The following GRIN2A variants were observed in gnomAD, a reference collection of about 807,000 sequenced individuals.
GRIN2A encodes the protein glutamate receptor ionotropic, NMDA 2A.
Under a neutral mutation model 113.4 loss-of-function variants are expected in GRIN2A, and 22 were observed. That is an observed-to-expected ratio of 0.19 (90% confidence interval 0.14 to 0.28). The LOEUF (loss-of-function observed/expected upper bound fraction) is 0.28. GRIN2A is among the 10% of genes least tolerant of loss of function. The pLI is 1.00. For missense variants in GRIN2A, 1,502 were observed against 1,887.0 expected (o/e 0.80, Z 3.78); for synonymous variants, 827 against 738.4 (o/e 1.12, Z -1.94).
In GRIN2A at chr16:10,180,460, C is replaced by A; in HGVS notation, c.-18-31G>T. 1 of 1,581,696 alleles carries A rather than the reference C, an allele frequency of 6.3e-7. No individual in the cohort carries two copies. On this transcript the variant is annotated intron_variant, in intron 1 of 12. Transcript: ENST00000330684. This position sits in a 1 kb window ranked among gnomAD's most constrained non-coding sequence, Gnocchi z 7.0. ...AGGTGAAGAGTGAGAGGCAGGGCCGCGGTGAGCAAGGCGACCAGAAGAAAG... is the reference window on the plus strand; with the variant it reads ...AGGTGAAGAGTGAGAGGCAGGGCCGAGGTGAGCAAGGCGACCAGAAGAAAG...
At chr16:9,939,110 T>C (rs2044792053) in intron 2 of GRIN2A, among the ~76,000 whole-genome samples, 2 of 152,184 alleles carry the variant, frequency 1.3e-5, no homozygotes, top group Non-Finnish European at 1.5e-5. Flanking sequence ...GTATCATAAA[T>C]ACCATGTGGA....
At chr16:9,781,392 G>A (rs1202011883) in intron 11 of GRIN2A, among the ~76,000 whole-genome samples, 1 of 152,078 alleles carries the variant, frequency 6.6e-6, no homozygotes, top group Non-Finnish European at 1.5e-5. Context: ...ACAGGGTCTT[G>A]TTCTGTCACC....
At chr16:9,898,559 C>T (rs907261913) in intron 3 of GRIN2A, among the ~76,000 whole-genome samples, 2 of 152,154 alleles carry the variant, frequency 1.3e-5, no homozygotes, top group South Asian at 4.1e-4. Context: ...TTCACAAATG[C>T]CACCATAACC....
At chr16:10,112,448 T>C (rs2048636119) in intron 2 of GRIN2A, 5 of 777,002 alleles carry the variant, frequency 6.4e-6, no homozygotes, top group African/African-American at 1.7e-5. Flanking sequence ...CTCAGCACTT[T>C]GGTGTGTCCA....
At chr16:9,936,507 C>T (rs572824108) in intron 3 of GRIN2A, among the ~76,000 whole-genome samples, 19 of 152,198 alleles carry the variant, frequency 1.2e-4, no homozygotes, top group Admixed American at 7.8e-4. Context: ...AGGAATAAAG[C>T]GTGGATTAAA....
chr16:10,115,056 G>A (rs8055448), intron 2 of GRIN2A, among the ~76,000 whole-genome samples: 7,150 of 152,144 alleles, frequency 0.047, 335 homozygotes, highest in African/African-American at 0.12. Context: ...AATTTTTTGA[G>A]TTTGCAGCCC....
In GRIN2A at chr16:10,054,403, T is replaced by A. The variant is rs148672205; in HGVS notation, c.415-115852A>T. On this transcript the variant is annotated intron_variant, in intron 2 of 12. Transcript: ENST00000330684. ...AATGAACAGGACTAATACAAAGATT[T>A]AAAGAGATATAAGAAGGTTGCAACT... Among the ~76,000 whole-genome samples, 47 of 152,340 alleles carry A rather than the reference T, an allele frequency of 3.1e-4. No individual in the cohort carries two copies. In the East Asian group the frequency reaches 8.5e-3, roughly 27 times the overall value.
chr16:10,040,842 A>AG (rs1162206516), intron 2 of GRIN2A, among the ~76,000 whole-genome samples: 1 of 152,198 alleles, frequency 6.6e-6, no homozygotes, highest in African/African-American at 2.4e-5. Context: ...GCTGTGGGGG[A>AG]GGCTGGCAGG....
intron 2 of GRIN2A, among the ~76,000 whole-genome samples, chr16:10,035,382 T>C (rs1161618749): frequency 1.3e-5 from 2 of 152,074 alleles, no homozygotes; most frequent in Non-Finnish European, 2.9e-5. Context: ...CCTCTCCATA[T>C]ACCCTCCAAA....
At position 9,841,092 on chromosome 16, in the gene GRIN2A, A is replaced by T. The variant is rs779989663; in HGVS notation, c.1341T>A (p.Asn447Lys). Residue 447 changes from asparagine to lysine, a missense_variant, in exon 6 of 13, where the codon AAT (asparagine) becomes AAA (lysine). Asn to Lys is a moderately conservative substitution (Grantham distance 94). Around this residue, in one of 7 missense-constraint regions of GRIN2A, gnomAD observed 334 missense variants for 403.0 expected, o/e 0.83. Transcript: ENST00000330684. ...AGCATTTCTTCACATTCATCCCCTC[A>T]TTGGTTGAATTGCTGTAAAGAAAAA... ...RKFVKINNST[N>K]EGMNVKKCCK... 17 of 1,613,384 alleles carry T rather than the reference A, an allele frequency of 1.1e-5. No individual in the cohort carries two copies. In the East Asian group the frequency reaches 3.6e-4, roughly 34 times the overall value.
At chr16:9,964,234 G>A (rs918454314) in intron 2 of GRIN2A, among the ~76,000 whole-genome samples, 2 of 152,210 alleles carry the variant, frequency 1.3e-5, no homozygotes, top group African/African-American at 4.8e-5. Flanking sequence ...ATACCATGGA[G>A]CTTACATGAA....
rs2141130929 is a variant in GRIN2A, at chr16:9,763,978, T to C, written c.3566A>G (p.Lys1189Arg). 1 of 1,614,152 alleles carries C rather than the reference T, an allele frequency of 6.2e-7. No individual in the cohort carries two copies. Among genetic ancestry groups the C allele is most frequent in the Non-Finnish European group, 8.5e-7 (1 of 1,180,018 alleles). ...ACCCTTGTCTTTCAAGGTGAAGTGC[T>C]TGGAGTAGAGTTTATACTGGTCGTT... ...SNNDQYKLYS[K>R]HFTLKDKGSP... The change falls in exon 13 of 13, where the codon AAG (lysine) becomes AGG (arginine). Residue 1189 changes from lysine (K) to arginine (R), a missense_variant. Physicochemically the swap from Lys to Arg is conservative, Grantham distance 26. This residue lies in a region of GRIN2A where 832 missense variants were observed against 789.7 expected (regional missense o/e 1.05). Coordinates refer to ENST00000330684, the MANE Select transcript of GRIN2A (RefSeq NM_001134407.3).
At chr16:9,789,324 C>T (rs1399815650) in intron 11 of GRIN2A, among the ~76,000 whole-genome samples, 1 of 152,146 alleles carries the variant, frequency 6.6e-6, no homozygotes, top group African/African-American at 2.4e-5. Flanking sequence ...AGATTTCAGC[C>T]TCATGGTACT....
intron 11 of GRIN2A, among the ~76,000 whole-genome samples, chr16:9,796,161 C>T (rs1440999807): frequency 6.6e-6 from 1 of 152,216 alleles, no homozygotes; most frequent in Admixed American, 6.5e-5. Context: ...TCGAGAGTGA[C>T]ACCAATGGTG....
intron 4 of GRIN2A, among the ~76,000 whole-genome samples, chr16:9,855,792 T>C (rs141770718): frequency 1.6e-3 from 249 of 152,242 alleles, no homozygotes; most frequent in Middle Eastern, 6.8e-3. Context: ...TGGCAAGCTA[T>C]CTCTAAAAAA....
At chr16:9,966,214 C>G (rs2045553861) in intron 2 of GRIN2A, among the ~76,000 whole-genome samples, 1 of 152,144 alleles carries the variant, frequency 6.6e-6, no homozygotes, top group African/African-American at 2.4e-5. Context: ...TATTTCATCA[C>G]CCAGGTATTA....
At chr16:9,914,596 G>T in intron 3 of GRIN2A, among the ~76,000 whole-genome samples, 1 of 152,256 alleles carries the variant, frequency 6.6e-6, no homozygotes, top group East Asian at 1.9e-4. Context: ...CATTTGTTTT[G>T]CTGTGGCTCA....
intron 2 of GRIN2A, among the ~76,000 whole-genome samples, chr16:10,126,457 G>T (rs1335458656): frequency 6.6e-6 from 1 of 152,160 alleles, no homozygotes; most frequent in South Asian, 2.1e-4. Flanking sequence ...AAGAGCCAGT[G>T]CCCAGCCAGT....
chr16:10,049,125 C>A (rs1190167584), intron 2 of GRIN2A, among the ~76,000 whole-genome samples: 1 of 152,114 alleles, frequency 6.6e-6, no homozygotes, highest in Non-Finnish European at 1.5e-5. Context: ...TTCCAAAGAT[C>A]AGAGTTCCGC....
Sources: gnomAD v4.1 joint callset for allele counts (sites outside exome capture counted in the v4.1 genomes callset) on GRCh38, gnomAD v4.1.1 for gene constraint, gnomAD v4.1.1 regional missense constraint, Gnocchi (gnomAD v3.1) non-coding constraint, MANE v1.5 for transcripts, NCBI Gene and HGNC (gene_info 2026-07-23, HGNC 2026-07-21) for gene names.